The following SLC9C1 variants were observed in gnomAD, a reference collection of about 807,000 sequenced individuals.
SLC9C1 encodes solute carrier family 9 member C1.
SLC9C1 carries 97 observed loss-of-function variants against 140.9 expected under a neutral mutation model. The ratio of observed to expected loss-of-function variants is 0.69; its 90% CI spans 0.58 to 0.82. The LOEUF (loss-of-function observed/expected upper bound fraction) is 0.82. Ranked by LOEUF, SLC9C1 falls within the 40% of genes least tolerant of loss-of-function variation. SLC9C1 has a pLI of 0.00. For synonymous variants in SLC9C1, 440 were observed against 442.6 expected, an observed-to-expected ratio of 0.99 and a Z score of 0.07; for missense variants, 1,340 against 1,389.3, an observed-to-expected ratio of 0.96 and a Z score of 0.56.
At chr3:112,218,766 T>G (rs1361361694) in intron 14 of SLC9C1, among the ~76,000 whole-genome samples, 1 of 152,122 alleles carries the variant, frequency 6.6e-6, no homozygotes, top group Non-Finnish European at 1.5e-5. Flanking sequence ...CTCAAAAAAA[T>G]AAGCATTTAA....
chr3:112,276,207 G>T (rs1033951377), intron 5 of SLC9C1, among the ~76,000 whole-genome samples: 5 of 152,052 alleles, frequency 3.3e-5, no homozygotes, highest in Non-Finnish European at 7.4e-5. Flanking sequence ...TGATATTATT[G>T]TATAATTATC....
chr3:112,185,340 A>T, intron 20 of SLC9C1: 1 of 434,676 alleles, frequency 2.3e-6, no homozygotes, highest in Non-Finnish European at 4.0e-6. Context: ...AAAGTCGTGT[A>T]AAAAAAAAAT....
chr3:112,292,606 C>A (rs904330097), intron 1 of SLC9C1, among the ~76,000 whole-genome samples: 1 of 152,052 alleles, frequency 6.6e-6, no homozygotes, highest in East Asian at 1.9e-4. Context: ...TGCAGTGGTG[C>A]GATCTCGGCT....
intron 26 of SLC9C1, among the ~76,000 whole-genome samples, chr3:112,158,313 C>T (rs1013491517): frequency 1.3e-5 from 2 of 151,862 alleles, no homozygotes; most frequent in African/African-American, 4.8e-5. Flanking sequence ...TGATGTAATA[C>T]ATCACATTTA....
intron 20 of SLC9C1, chr3:112,185,574 T>A: frequency 1.2e-5 from 20 of 1,611,010 alleles, no homozygotes; most frequent in Non-Finnish European, 1.5e-5. Context: ...TGTGGGCACC[T>A]GTGCCCGGGG....
At position 112,169,326 on chromosome 3, in the gene SLC9C1, T is replaced by A. The variant is rs2077201303; in HGVS notation, c.2922A>T (p.Thr974=). 1 of 1,603,672 alleles carries A rather than the reference T, an allele frequency of 6.2e-7. No homozygotes were observed. The highest frequency in any genetic ancestry group is 1.7e-5 in the Admixed American group (1 of 57,158). ...YSATCKTVVE[T]CFIPKTHLYD... is the part of the protein sequence containing the mutation. ...ACAAGTGAGTTTTGGGAATAAAACA[T>A]GTCTGGAAAAGAAGGATGTAAATTT... Residue 974 remains threonine, a splice_region_variant and synonymous_variant, in exon 24 of 29, where the codon ACA becomes ACT. Transcript: ENST00000305815.
intron 20 of SLC9C1, among the ~76,000 whole-genome samples, chr3:112,182,493 A>T (rs2077457253): frequency 6.6e-6 from 1 of 152,102 alleles, no homozygotes; most frequent in South Asian, 2.1e-4. Flanking sequence ...TACATGGGTA[A>T]GTTGCATGTC....
At chr3:112,170,954 C>G (rs543622732) in intron 23 of SLC9C1, among the ~76,000 whole-genome samples, 2 of 152,244 alleles carry the variant, frequency 1.3e-5, no homozygotes, top group Non-Finnish European at 2.9e-5. Context: ...TGGCTCATGC[C>G]TGTAATCTTA....
At chr3:112,262,802 T>C (rs190448890) in intron 10 of SLC9C1, 122 bp downstream of exon 10, 16 of 839,456 alleles carry the variant, frequency 1.9e-5, no homozygotes, top group Non-Finnish European at 2.7e-5. Flanking sequence ...CTTGCCATCA[T>C]AGCTAAATCA....
At chr3:112,154,495 A>G (rs1164178543) in intron 27 of SLC9C1, among the ~76,000 whole-genome samples, 2 of 152,182 alleles carry the variant, frequency 1.3e-5, no homozygotes, top group Non-Finnish European at 1.5e-5. Context: ...ATTGATCAAT[A>G]TTTGTGGGAC....
At chr3:112,264,445 A>G (rs1419493885) in intron 8 of SLC9C1, 102 bp from the exon 9 acceptor site, 10 of 581,184 alleles carry the variant, frequency 1.7e-5, no homozygotes, top group South Asian at 5.1e-5. Flanking sequence ...GATTACCAAA[A>G]AATGAATAAA....
chr3:112,262,848 A>G, intron 10 of SLC9C1, 76 bp downstream of exon 10: 2 of 1,204,214 alleles, frequency 1.7e-6, no homozygotes, highest in Non-Finnish European at 2.1e-6. Flanking sequence ...CTACCTCACT[A>G]CAAAAAAACA....
At chr3:112,208,524 C>T (rs1178971236) in intron 15 of SLC9C1, 151 bp from the exon 16 acceptor site, 1 of 453,360 alleles carries the variant, frequency 2.2e-6, no homozygotes, top group African/African-American at 2.0e-5. Context: ...TCTGGCATCC[C>T]ACTTCAGATA....
intron 8 of SLC9C1, among the ~76,000 whole-genome samples, chr3:112,265,556 G>A (rs754707669): frequency 1.3e-5 from 2 of 151,986 alleles, no homozygotes; most frequent in Non-Finnish European, 2.9e-5. Context: ...TACTTTCAGG[G>A]CCTTTGTTAA....
intron 12 of SLC9C1, among the ~76,000 whole-genome samples, chr3:112,239,371 C>G (rs9758375): frequency 0.59 from 90,030 of 152,164 alleles, 27,179 homozygotes; most frequent in East Asian, 0.79. Flanking sequence ...TGCTTGGCTA[C>G]GAAACGGAAT....
chr3:112,195,362 A>G (rs2077747679), intron 20 of SLC9C1, among the ~76,000 whole-genome samples: 1 of 152,148 alleles, frequency 6.6e-6, no homozygotes, highest in Non-Finnish European at 1.5e-5. Context: ...TTTCTCAAAG[A>G]AAAAGCACAT....
chr3:112,290,203 G>A (rs2080638005), intron 1 of SLC9C1, among the ~76,000 whole-genome samples: 2 of 152,132 alleles, frequency 1.3e-5, no homozygotes, highest in South Asian at 2.1e-4. Context: ...ACGAAATAAG[G>A]AAAATTATTT....
chr3:112,278,894 C>T (rs371690753), intron 3 of SLC9C1, 37 bp from the exon 4 acceptor site: 1 of 1,582,748 alleles, frequency 6.3e-7, no homozygotes. Context: ...CTCATTTATT[C>T]ATCACTATTA....
At chr3:112,293,226 A>G (rs2080739747) in intron 1 of SLC9C1, among the ~76,000 whole-genome samples, 1 of 152,034 alleles carries the variant, frequency 6.6e-6, no homozygotes, top group Non-Finnish European at 1.5e-5. Flanking sequence ...CAGTGAGCCT[A>G]GATTGTGCCA....
Sources: gnomAD v4.1 joint callset for allele counts (sites outside exome capture counted in the v4.1 genomes callset) on GRCh38, gnomAD v4.1.1 for gene constraint, MANE v1.5 for transcripts, NCBI Gene and HGNC (gene_info 2026-07-23, HGNC 2026-07-21) for gene names.